The following AFF3 variants were observed in gnomAD, a reference collection of about 807,000 sequenced individuals.
AFF3 encodes the protein AF4/FMR2 family member 3.
Under a neutral mutation model 129.7 loss-of-function variants are expected in AFF3, and 32 were observed. That is an observed-to-expected ratio of 0.25 (90% CI 0.19 to 0.33). The LOEUF (loss-of-function observed/expected upper bound fraction) is 0.33. Ranked by LOEUF, AFF3 falls within the 10% of genes least tolerant of loss-of-function variation. The pLI is 1.00. For missense variants in AFF3, 1,373 were observed against 1,592.0 expected, an observed-to-expected ratio of 0.86 and a Z score of 2.34; for synonymous variants, 644 against 635.4, an observed-to-expected ratio of 1.01 and a Z score of -0.20.
intron 12 of AFF3, among the ~76,000 whole-genome samples, chr2:99,658,978 T>C (rs1685996286): frequency 6.6e-6 from 1 of 152,184 alleles, no homozygotes. Context: ...ATTTCAGGTT[T>C]CTGAGACTAA....
At chr2:99,610,721 T>C (rs769762670) in intron 13 of AFF3, among the ~76,000 whole-genome samples, 17 of 152,216 alleles carry the variant, frequency 1.1e-4, no homozygotes, top group Non-Finnish European at 2.2e-4. Flanking sequence ...TTCAAATTTG[T>C]CTTTTGTCTT....
chr2:99,565,764 A>C, intron 19 of AFF3, 141 bp from the exon 20 acceptor site: 1 of 953,074 alleles, frequency 1.0e-6, no homozygotes, highest in Non-Finnish European at 1.5e-6. Context: ...AAGAAATAGA[A>C]TACTTCTTTT....
intron 7 of AFF3, among the ~76,000 whole-genome samples, chr2:99,965,986 T>C (rs1174077077): frequency 1.3e-5 from 2 of 152,168 alleles, no homozygotes; most frequent in African/African-American, 4.8e-5. Flanking sequence ...TTATTTTGAC[T>C]AGCAAAAAAT....
At chr2:100,082,682 G>A (rs1409248868) in intron 4 of AFF3, among the ~76,000 whole-genome samples, 2 of 152,136 alleles carry the variant, frequency 1.3e-5, no homozygotes, top group Non-Finnish European at 2.9e-5. Context: ...AGGGATATGT[G>A]AAGCTATTTA....
intron 7 of AFF3, among the ~76,000 whole-genome samples, chr2:99,897,804 T>A (rs1694081682): frequency 6.6e-6 from 1 of 152,182 alleles, no homozygotes; most frequent in Admixed American, 6.5e-5. Flanking sequence ...AATGAATATG[T>A]AGTTAGCAAA....
At chr2:100,084,619 T>C (rs937106968) in intron 4 of AFF3, among the ~76,000 whole-genome samples, 1 of 151,900 alleles carries the variant, frequency 6.6e-6, no homozygotes, top group African/African-American at 2.4e-5. Context: ...CAAAATATTA[T>C]ATTATACGTA....
intron 7 of AFF3, among the ~76,000 whole-genome samples, chr2:99,956,569 T>G (rs1676672401): frequency 6.6e-6 from 1 of 152,234 alleles, no homozygotes; most frequent in South Asian, 2.1e-4. Context: ...ATGTTATCCC[T>G]CACCTGCAAA....
chr2:99,704,974 G>A, intron 11 of AFF3, among the ~76,000 whole-genome samples: 1 of 152,166 alleles, frequency 6.6e-6, no homozygotes, highest in East Asian at 1.9e-4. Context: ...GAATGCATGA[G>A]ATCACCATGA....
intron 10 of AFF3, among the ~76,000 whole-genome samples, chr2:99,734,355 T>C (rs1558798101): frequency 8.7e-6 from 1 of 114,666 alleles, no homozygotes; most frequent in African/African-American, 2.9e-5. Flanking sequence ...TCTTCTCCTT[T>C]CTAACAGGTA....
chr2:100,092,335 T>A (rs932170169), intron 4 of AFF3, among the ~76,000 whole-genome samples: 52 of 151,928 alleles, frequency 3.4e-4, no homozygotes, highest in Non-Finnish European at 6.9e-4. Context: ...AGCTCTCTAC[T>A]CCCTCTCCTC....
intron 7 of AFF3, among the ~76,000 whole-genome samples, chr2:99,961,777 T>G (rs918739224): frequency 6.6e-6 from 1 of 152,136 alleles, no homozygotes; most frequent in Non-Finnish European, 1.5e-5. Flanking sequence ...ACCTGGCATT[T>G]CCCAACCCAC....
intron 7 of AFF3, among the ~76,000 whole-genome samples, chr2:99,981,416 T>G (rs1175455589): frequency 1.3e-5 from 2 of 152,210 alleles, no homozygotes; most frequent in Non-Finnish European, 2.9e-5. Context: ...ACCCAATCTT[T>G]TAATTGTCTT....
chr2:99,826,986 A>C (rs925484243), intron 8 of AFF3, among the ~76,000 whole-genome samples: 4 of 152,044 alleles, frequency 2.6e-5, no homozygotes, highest in African/African-American at 9.7e-5. Flanking sequence ...AGGCTTGGTG[A>C]GGAACTGAAC....
At chr2:100,133,400 T>C (rs186640016) in intron 1 of AFF3, among the ~76,000 whole-genome samples, 4 of 152,316 alleles carry the variant, frequency 2.6e-5, no homozygotes, top group Admixed American at 2.6e-4. Flanking sequence ...CGTTGTTTGT[T>C]TTTTAACCAG....
intron 7 of AFF3, among the ~76,000 whole-genome samples, chr2:99,966,728 T>C (rs1250637081): frequency 1.1e-5 from 1 of 87,132 alleles, no homozygotes; most frequent in South Asian, 3.6e-4. Context: ...AAAAAGAAAA[T>C]GAAGAATGAC....
At position 99,999,411 on chromosome 2, in the gene AFF3, A is replaced by G. The variant is rs1015622962; in HGVS notation, c.873+7221T>C. Among the ~76,000 whole-genome samples, 5 of 152,196 alleles carry G rather than the reference A, an allele frequency of 3.3e-5. 1 individual carries two copies. The highest frequency in any genetic ancestry group is 6.3e-3 in the Middle Eastern group (2 of 316). The stretch of plus-strand genomic sequence containing the variant: ...ATCCTTAAATTAATTAACTCACCCA[A>G]TAAGTATCTATTGAGCACAAACTAT... On this transcript the variant is annotated intron_variant, in intron 7 of 24. Transcript: ENST00000672756.
At chr2:100,110,796 T>C (rs186507609) in intron 2 of AFF3, among the ~76,000 whole-genome samples, 5 of 152,322 alleles carry the variant, frequency 3.3e-5, no homozygotes, top group Admixed American at 2.0e-4. Context: ...GCACTTGTCC[T>C]TGATAGCAAA....
chr2:100,137,627 C>G (rs73966422), intron 1 of AFF3, among the ~76,000 whole-genome samples: 15,031 of 152,194 alleles, frequency 0.099, 808 homozygotes, highest in Middle Eastern at 0.17. Flanking sequence ...GCCTGTACAG[C>G]CTAGACTCAG....
At chr2:99,647,729 G>T (rs1345239892) in intron 13 of AFF3, among the ~76,000 whole-genome samples, 4 of 152,224 alleles carry the variant, frequency 2.6e-5, no homozygotes, top group Admixed American at 6.5e-5. Flanking sequence ...GAATAGCAAA[G>T]TCAGCTCGTC....
Sources: allele counts gnomAD v4.1 joint callset (sites outside exome capture counted in the v4.1 genomes callset), GRCh38; gene constraint gnomAD v4.1.1; transcripts MANE v1.5; gene names NCBI Gene and HGNC (gene_info 2026-07-23, HGNC 2026-07-21).